The following FOXO3 variants were observed in gnomAD, a reference collection of about 807,000 sequenced individuals.
FOXO3 encodes the protein forkhead box O3.
A neutral mutation model predicts 41.9 loss-of-function variants in FOXO3; 4 were observed. The observed-to-expected ratio is 0.10, with a 90% CI of 0.05 to 0.22. The LOEUF (loss-of-function observed/expected upper bound fraction) is 0.22, where lower values mean the gene tolerates loss of function less well. FOXO3 is among the 10% of genes least tolerant of loss of function. The pLI, the probability that FOXO3 is intolerant of heterozygous loss-of-function variation, is 1.00. For missense variants in FOXO3, 534 were observed against 906.8 expected (o/e 0.59, Z 5.28); for synonymous variants, 318 against 389.3 (o/e 0.82, Z 2.16).
chr6:108,618,782 C>CT (rs1311062591), intron 1 of FOXO3, among the ~76,000 whole-genome samples: 2 of 152,202 alleles, frequency 1.3e-5, no homozygotes, highest in African/African-American at 4.8e-5. Context: ...GCAGATCAGT[C>CT]TAAGACTCTA....
intron 1 of FOXO3, among the ~76,000 whole-genome samples, chr6:108,574,909 A>G (rs1291656598): frequency 6.6e-6 from 1 of 152,206 alleles, no homozygotes; most frequent in Non-Finnish European, 1.5e-5. Context: ...TGTCCAGAGG[A>G]TAGACTGAAA....
intron 1 of FOXO3, among the ~76,000 whole-genome samples, chr6:108,573,312 T>TA (rs1264933021): frequency 6.6e-6 from 1 of 151,838 alleles, no homozygotes; most frequent in Non-Finnish European, 1.5e-5. Flanking sequence ...AGTAAGTAAG[T>TA]AAGTAAATAA....
intron 2 of FOXO3, among the ~76,000 whole-genome samples, chr6:108,668,927 C>T (rs943185369): frequency 3.3e-5 from 5 of 151,924 alleles, no homozygotes; most frequent in South Asian, 4.2e-4. Context: ...GAGATCGAGA[C>T]GGTGAAACCC....
At position 108,678,710 on chromosome 6, in the gene FOXO3, T is replaced by G. The variant is rs150308074; in HGVS notation, c.*35-1117T>G. ...TGTCCATATATGTGTTATGTAATTT[T>G]TTTTCTCCAAATTTGTAATACAAAA... On this transcript the variant is annotated intron_variant, in intron 2 of 2. Coordinates refer to ENST00000406360, the MANE Select transcript of FOXO3 (RefSeq NM_001455.4). Among the ~76,000 whole-genome samples, 279 of 151,966 alleles carry G rather than the reference T, an allele frequency of 1.8e-3. 1 individual carries two copies. The highest frequency in any genetic ancestry group is 6.8e-3 in the Middle Eastern group (2 of 292).
At chr6:108,649,583 G>C (rs1778492554) in intron 1 of FOXO3, among the ~76,000 whole-genome samples, 1 of 133,064 alleles carries the variant, frequency 7.5e-6, no homozygotes, top group Non-Finnish European at 1.5e-5. Flanking sequence ...GGAATGCAGT[G>C]ACATGATCTT....
intron 1 of FOXO3, among the ~76,000 whole-genome samples, chr6:108,625,216 T>A (rs896985349): frequency 3.9e-5 from 6 of 152,236 alleles, no homozygotes; most frequent in African/African-American, 9.6e-5. Context: ...TGAATTAGCA[T>A]ATACTTGCCA....
chr6:108,592,278 TG>T (rs1378600013), intron 1 of FOXO3, among the ~76,000 whole-genome samples: 2 of 152,226 alleles, frequency 1.3e-5, no homozygotes, highest in Non-Finnish European at 2.9e-5. Flanking sequence ...GTTTTTTGTA[TG>T]TAAGTTACAC....
chr6:108,631,445 C>T (rs539090966), intron 1 of FOXO3, among the ~76,000 whole-genome samples: 8 of 152,212 alleles, frequency 5.3e-5, no homozygotes, highest in African/African-American at 1.9e-4. Flanking sequence ...ACCCCGCAAT[C>T]CATATGCAAT....
chr6:108,579,983 C>T (rs1459346386), intron 1 of FOXO3, among the ~76,000 whole-genome samples: 2 of 152,064 alleles, frequency 1.3e-5, no homozygotes, highest in Non-Finnish European at 2.9e-5. Flanking sequence ...AGTTTGAAAA[C>T]TCTTAATTCC....
At chr6:108,678,256 A>C (rs1770696940) in intron 2 of FOXO3, among the ~76,000 whole-genome samples, 1 of 152,202 alleles carries the variant, frequency 6.6e-6, no homozygotes, top group Admixed American at 6.5e-5. Flanking sequence ...AAGCAGATGT[A>C]TATAATGTGA....
At chr6:108,560,905 T>C (rs1775761870), upstream of FOXO3, 3 of 1,188,402 alleles carry the variant, frequency 2.5e-6, no homozygotes, top group Non-Finnish European at 3.2e-6. Flanking sequence ...CATCGCGGCC[T>C]GGCCGGGGGG....
intron 2 of FOXO3, among the ~76,000 whole-genome samples, chr6:108,673,209 G>A (rs572824834): frequency 6.6e-5 from 10 of 152,178 alleles, no homozygotes; most frequent in East Asian, 3.9e-4. Flanking sequence ...TGCCCCACTC[G>A]TCAGGTTCTA....
chr6:108,600,390 AC>A (rs1291280077), intron 1 of FOXO3, among the ~76,000 whole-genome samples: 1 of 151,910 alleles, frequency 6.6e-6, no homozygotes, highest in Non-Finnish European at 1.5e-5. Flanking sequence ...TACTAAAGAT[AC>A]AAAAAATTAG....
chr6:108,615,120 T>C (rs1172656588), intron 1 of FOXO3, among the ~76,000 whole-genome samples: 1 of 152,156 alleles, frequency 6.6e-6, no homozygotes, highest in Admixed American at 6.5e-5. Context: ...TATTTTTGCC[T>C]TAGATAGTCA....
chr6:108,672,117 G>A (rs981261002), intron 2 of FOXO3, among the ~76,000 whole-genome samples: 48 of 152,266 alleles, frequency 3.2e-4, no homozygotes, highest in African/African-American at 1.1e-3. Context: ...GAGGAACCTG[G>A]CAATGCCATC....
chr6:108,631,160 A>T (rs1777962547), intron 1 of FOXO3, among the ~76,000 whole-genome samples: 1 of 152,198 alleles, frequency 6.6e-6, no homozygotes, highest in Admixed American at 6.5e-5. Flanking sequence ...GGTGGTTAGG[A>T]TTGTGAGTAC....
At chr6:108,655,721 C>T (rs959669157) in intron 1 of FOXO3, among the ~76,000 whole-genome samples, 10 of 152,198 alleles carry the variant, frequency 6.6e-5, no homozygotes, top group African/African-American at 2.2e-4. Flanking sequence ...ACACCGAAGG[C>T]GCCCACCCGG....
chr6:108,629,190 C>T (rs1777893240), intron 1 of FOXO3, among the ~76,000 whole-genome samples: 2 of 152,012 alleles, frequency 1.3e-5, no homozygotes, highest in Admixed American at 6.6e-5. Context: ...TGGTGATCAC[C>T]AGCAACAGTC....
In FOXO3 at chr6:108,680,762, A is replaced by C. The variant is rs1331853785; in HGVS notation, c.*970A>C. ...AGGAGAAAGAAAAGGAAAAAAAAAA[A>C]AAACAAAAAAGTCCTGTTTTGCTTT... On this transcript the variant is annotated 3_prime_UTR_variant, in exon 3 of 3. Coordinates refer to ENST00000406360, the MANE Select transcript of FOXO3 (RefSeq NM_001455.4). The C allele has an allele frequency of 2.2e-5, 3 of 139,130 alleles. No individual in the cohort carries two copies. The highest frequency in any genetic ancestry group is 7.9e-5 in the African/African-American group (3 of 37,970). 8.6% of individuals were successfully genotyped at this position (139,130 alleles called of 1,614,324 possible).
Sources: gnomAD v4.1 joint callset for allele counts (sites outside exome capture counted in the v4.1 genomes callset) on GRCh38, gnomAD v4.1.1 for gene constraint, MANE v1.5 for transcripts, NCBI Gene and HGNC (gene_info 2026-07-23, HGNC 2026-07-21) for gene names.